The following ZBBX variants were observed in gnomAD, a reference collection of about 807,000 sequenced individuals.
The protein encoded by ZBBX is zinc finger B-box domain-containing protein 1.
ZBBX carries 101 observed loss-of-function variants against 108.5 expected under a neutral mutation model. The observed-to-expected ratio is 0.93, with a 90% CI of 0.79 to 1.10. ZBBX has a LOEUF of 1.10. Ranked by LOEUF, ZBBX falls within the 50% of genes least tolerant of loss-of-function variation. The pLI is 0.00. For synonymous variants in ZBBX, 356 were observed against 323.4 expected, an observed-to-expected ratio of 1.10 and a Z score of -1.08; for missense variants, 1,009 against 941.4, an observed-to-expected ratio of 1.07 and a Z score of -0.94.
At chr3:167,209,514 AAT>A in the ZBBX span, among the ~76,000 whole-genome samples, 1 of 152,308 alleles carries the variant, frequency 6.6e-6, no homozygotes, top group Non-Finnish European at 1.5e-5. Context: ...GTCTGCAAGA[AAT>A]AGTGTTACTA....
the ZBBX span, among the ~76,000 whole-genome samples, chr3:167,217,338 C>T: frequency 6.6e-6 from 1 of 152,056 alleles, no homozygotes; most frequent in South Asian, 2.1e-4. Flanking sequence ...GGAAGACATA[C>T]ATGAAAGCCA....
At chr3:167,388,365 C>T (rs573536885) in intron 1 of ZBBX, among the ~76,000 whole-genome samples, 1 of 151,952 alleles carries the variant, frequency 6.6e-6, no homozygotes, top group Admixed American at 6.6e-5. Flanking sequence ...CCCATGCCAA[C>T]TAATATAGGG....
At chr3:167,215,804 G>A in the ZBBX span, among the ~76,000 whole-genome samples, 1 of 152,174 alleles carries the variant, frequency 6.6e-6, no homozygotes, top group South Asian at 2.1e-4. Flanking sequence ...CTTCATCCCT[G>A]GGATGCAATG....
intron 8 of ZBBX, among the ~76,000 whole-genome samples, chr3:167,357,864 A>G (rs1743843155): frequency 6.6e-6 from 1 of 152,094 alleles, no homozygotes; most frequent in Non-Finnish European, 1.5e-5. Flanking sequence ...TGATGAGTTC[A>G]TGTCCTTTGT....
At chr3:167,307,211 A>G (rs1238188295) in intron 16 of ZBBX, among the ~76,000 whole-genome samples, 2 of 152,218 alleles carry the variant, frequency 1.3e-5, no homozygotes, top group Non-Finnish European at 2.9e-5. Flanking sequence ...GAAAACTGGC[A>G]CAAGACGAGG....
Position 167,240,827 on chromosome 3 carries a change from T to A in ZBBX, c.2486A>T (p.His829Leu). ...EEEEDFLNKQ[H>L]VITLPWSKST The stretch of plus-strand genomic sequence containing the variant: ...CTTTGACCACGGTAGTGTGATGACA[T>A]GTTGCTTGTTGAGAAAATCTTCCTC... The change falls in exon 22 of 22, where the codon CAT becomes CTT. Residue 829 changes from histidine to leucine, a missense_variant. By Grantham distance (99) the His-to-Leu change is moderately conservative. Coordinates refer to ENST00000675490, the MANE Select transcript of ZBBX (RefSeq NM_001199201.2). 1 of 1,613,574 alleles carries A rather than the reference T, an allele frequency of 6.2e-7. No individual in the cohort carries two copies. The highest frequency in any genetic ancestry group is 8.5e-7 in the Non-Finnish European group (1 of 1,179,576).
chr3:167,305,981 A>C, intron 16 of ZBBX, 31 bp from the exon 17 acceptor site: 2 of 1,434,086 alleles, frequency 1.4e-6, no homozygotes, highest in Non-Finnish European at 1.8e-6. Context: ...CAAAAGGTAC[A>C]TAAATAAATT....
At chr3:167,252,931 A>G (rs1179500311) in intron 20 of ZBBX, among the ~76,000 whole-genome samples, 1 of 152,198 alleles carries the variant, frequency 6.6e-6, no homozygotes, top group Non-Finnish European at 1.5e-5. Context: ...TAAAAACTGT[A>G]TGTTTGTCCT....
intron 5 of ZBBX, among the ~76,000 whole-genome samples, chr3:167,366,349 C>T (rs1460630724): frequency 6.6e-6 from 1 of 151,638 alleles, no homozygotes; most frequent in Non-Finnish European, 1.5e-5. Context: ...GCAAGCAAAC[C>T]AATACCCCAA....
At chr3:167,277,745 A>G (rs915971065) in intron 20 of ZBBX, among the ~76,000 whole-genome samples, 3 of 152,260 alleles carry the variant, frequency 2.0e-5, no homozygotes, top group East Asian at 1.9e-4. Context: ...TGCACCAAGC[A>G]GACCTAATAG....
the ZBBX span, among the ~76,000 whole-genome samples, chr3:167,191,934 T>TATATATATAGAGAGAGAGAG: frequency 7.7e-6 from 1 of 130,224 alleles, no homozygotes; most frequent in African/African-American, 3.0e-5. Flanking sequence ...TATATATATA[T>TATATATATAGAGAGAGAGAG]AGAGCAAGTT....
chr3:167,341,921 A>T lies in ZBBX; in HGVS notation c.529-7936T>A, dbSNP rs189519123. Among the ~76,000 whole-genome samples the T allele has an allele frequency of 6.3e-4, 95 of 151,992 alleles. 1 individual carries two copies. The highest frequency in any genetic ancestry group is 3.4e-3 in the Admixed American group (52 of 15,222). ...ATTGCTGTTACATCACAATTAGATA[A>T]TTCGTATCCCATAAAGACCAATGAA... On this transcript the variant is annotated intron_variant, in intron 9 of 21. Transcript: ENST00000675490.
rs11345536 is a variant in ZBBX at position 167,402,785 on chromosome 3, T to A, written c.-446+4941A>T. On this transcript the variant is annotated intron_variant, in intron 1 of 21. Coordinates refer to the ZBBX transcript ENST00000455345. ...TTATATATCTGTAAACTACAATATG[T>A]AAAAAAAAAAAATAGATGAACTATA... Among the ~76,000 whole-genome samples, 868 of 134,782 alleles carry A rather than the reference T, an allele frequency of 6.4e-3. 7 individuals carry two copies. Among genetic ancestry groups the A allele is most frequent in the African/African-American group, 0.029 (834 of 28,552 alleles). 88.4% of individuals were successfully genotyped at this position (134,782 alleles called of 152,430 possible). A position where few individuals can be genotyped will look rare whatever the true frequency, so the allele number is the denominator to read the frequency against.
intron 19 of ZBBX, among the ~76,000 whole-genome samples, chr3:167,283,298 A>T (rs144472075): frequency 1.3e-5 from 2 of 152,312 alleles, no homozygotes; most frequent in African/African-American, 4.8e-5. Context: ...TTCTCACAAA[A>T]TATTACTTAA....
At chr3:167,211,479 T>C in the ZBBX span, among the ~76,000 whole-genome samples, 1 of 152,106 alleles carries the variant, frequency 6.6e-6, no homozygotes, top group African/African-American at 2.4e-5. Flanking sequence ...AGCAATAGCC[T>C]ACAGGCCCCA....
Position 167,242,661 on chromosome 3 carries a change from A to C in ZBBX, c.2255-18T>G. 1 of 1,604,120 alleles carries C rather than the reference A, an allele frequency of 6.2e-7. No individual in the cohort carries two copies. Among genetic ancestry groups the C allele is most frequent in the South Asian group, 1.1e-5 (1 of 89,714 alleles). On this transcript the variant is annotated intron_variant, in intron 20 of 21. Coordinates refer to ENST00000675490, the MANE Select transcript of ZBBX (RefSeq NM_001199201.2). ...TGAAGTATCTGAAATATTTTATTTC[A>C]TGCATTGTCAAAACATAAATTCAAG...
intron 6 of ZBBX, among the ~76,000 whole-genome samples, chr3:167,365,282 G>A (rs949463052): frequency 4.6e-5 from 7 of 151,778 alleles, no homozygotes; most frequent in Non-Finnish European, 1.0e-4. Flanking sequence ...ACAAAGTCAC[G>A]AATCTTGCAC....
intron 1 of ZBBX, among the ~76,000 whole-genome samples, chr3:167,406,320 G>A (rs1748584914): frequency 6.6e-6 from 1 of 152,234 alleles, no homozygotes; most frequent in Non-Finnish European, 1.5e-5. Context: ...GTTTGGCACA[G>A]CGTTCTTAGT....
chr3:167,248,436 T>C (rs1721968268), intron 20 of ZBBX, among the ~76,000 whole-genome samples: 1 of 151,608 alleles, frequency 6.6e-6, no homozygotes, highest in Non-Finnish European at 1.5e-5. Context: ...TCTTAAACTG[T>C]TTTTCTTTTT....
Sources: gnomAD v4.1 joint callset for allele counts (sites outside exome capture counted in the v4.1 genomes callset) on GRCh38, gnomAD v4.1.1 for gene constraint, MANE v1.5 for transcripts, NCBI Gene and HGNC (gene_info 2026-07-23, HGNC 2026-07-21) for gene names.